The following PPARGC1A variants were observed in gnomAD, a reference collection of about 807,000 sequenced individuals.
PPARGC1A encodes the protein PPARG coactivator 1 alpha, also known as peroxisome proliferator-activated receptor gamma coactivator 1-alpha.
In PPARGC1A, 25 loss-of-function variants were observed where a neutral mutation model predicts 88.7. The ratio of observed to expected loss-of-function variants is 0.28; its 90% CI spans 0.21 to 0.39. The LOEUF (loss-of-function observed/expected upper bound fraction) is 0.39, where lower values mean the gene tolerates loss of function less well. PPARGC1A is among the 10% of genes least tolerant of loss of function. PPARGC1A has a pLI of 1.00. For missense variants in PPARGC1A, 880 were observed against 968.7 expected (o/e 0.91, Z 1.22); for synonymous variants, 363 against 355.6 (o/e 1.02, Z -0.24).
the PPARGC1A span, among the ~76,000 whole-genome samples, chr4:24,317,770 C>CCAGAA: frequency 8.6e-5 from 13 of 151,960 alleles, no homozygotes; most frequent in African/African-American, 3.1e-4. Context: ...TACGCAAGCA[C>CCAGAA]AAGAATAAAT....
chr4:24,283,954 T>C, the PPARGC1A span, among the ~76,000 whole-genome samples: 1 of 151,870 alleles, frequency 6.6e-6, no homozygotes. Flanking sequence ...GCTTTACAGA[T>C]GGGGAAACTG....
At chr4:23,873,397 C>T (rs1442617257) in intron 2 of PPARGC1A, among the ~76,000 whole-genome samples, 2 of 151,844 alleles carry the variant, frequency 1.3e-5, no homozygotes, top group African/African-American at 4.8e-5. Context: ...TTTTTGTCTT[C>T]AGGCCATTGG....
At chr4:23,839,272 GAA>G (rs1438655099) in intron 2 of PPARGC1A, among the ~76,000 whole-genome samples, 2 of 152,212 alleles carry the variant, frequency 1.3e-5, no homozygotes, top group East Asian at 3.9e-4. Context: ...AAGTTCAACA[GAA>G]AGTCCTAAAA....
chr4:24,462,634 T>C, the PPARGC1A span, among the ~76,000 whole-genome samples: 1 of 151,728 alleles, frequency 6.6e-6, no homozygotes, highest in African/African-American at 2.4e-5. Flanking sequence ...AATTTGATGA[T>C]GAAATGAGTG....
At chr4:23,963,383 G>C in the PPARGC1A span, among the ~76,000 whole-genome samples, 64 of 152,310 alleles carry the variant, frequency 4.2e-4, no homozygotes, top group African/African-American at 1.5e-3. Flanking sequence ...CCTGGCAAGA[G>C]ACAATCCCGG....
chr4:24,324,091 C>CG, the PPARGC1A span, among the ~76,000 whole-genome samples: 15 of 152,164 alleles, frequency 9.9e-5, no homozygotes, highest in Admixed American at 9.8e-4. Context: ...ATTGCAGAGA[C>CG]GCCTCTGTGA....
At chr4:23,965,563 T>G in the PPARGC1A span, among the ~76,000 whole-genome samples, 1 of 152,158 alleles carries the variant, frequency 6.6e-6, no homozygotes, top group Non-Finnish European at 1.5e-5. Flanking sequence ...TAGCAAGAGC[T>G]AGTGAAAAGC....
chr4:24,211,732 T>C, the PPARGC1A span, among the ~76,000 whole-genome samples: 3 of 152,132 alleles, frequency 2.0e-5, no homozygotes, highest in Admixed American at 6.5e-5. Flanking sequence ...ATCTGTAAAA[T>C]AGGGAAATTA....
chr4:24,112,972 G>C, the PPARGC1A span, among the ~76,000 whole-genome samples: 1 of 152,142 alleles, frequency 6.6e-6, no homozygotes, highest in Non-Finnish European at 1.5e-5. Context: ...CAATGAGAAA[G>C]CTGCAGAAAG....
At chr4:23,931,755 AT>A in the PPARGC1A span, among the ~76,000 whole-genome samples, 1 of 152,320 alleles carries the variant, frequency 6.6e-6, no homozygotes, top group Middle Eastern at 3.4e-3. Flanking sequence ...AAAAGAGGTG[AT>A]ATATGCTAAG....
chr4:24,102,683 C>T, the PPARGC1A span, among the ~76,000 whole-genome samples: 27 of 152,294 alleles, frequency 1.8e-4, no homozygotes, highest in African/African-American at 6.5e-4. Context: ...TGATTTCCAC[C>T]TCATTGGAAG....
At chr4:24,086,734 A>C in the PPARGC1A span, among the ~76,000 whole-genome samples, 3 of 152,208 alleles carry the variant, frequency 2.0e-5, no homozygotes, top group African/African-American at 4.8e-5. Flanking sequence ...TGGTCTCATT[A>C]AGTAGGTAAT....
chr4:23,853,902 A>C (rs1729744300), intron 2 of PPARGC1A, among the ~76,000 whole-genome samples: 1 of 152,182 alleles, frequency 6.6e-6, no homozygotes, highest in African/African-American at 2.4e-5. Context: ...AATTACTAGG[A>C]TTGGGGACCT....
chr4:23,858,928 ATAGATT>A (rs1385779612), intron 2 of PPARGC1A, among the ~76,000 whole-genome samples: 5 of 149,254 alleles, frequency 3.3e-5, no homozygotes, highest in Non-Finnish European at 7.4e-5. Flanking sequence ...TATAAATTAT[ATAGATT>A]TAAAGTGTAA....
At chr4:24,124,064 CT>C in the PPARGC1A span, among the ~76,000 whole-genome samples, 1 of 152,102 alleles carries the variant, frequency 6.6e-6, no homozygotes, top group African/African-American at 2.4e-5. Context: ...CATTAGGGCT[CT>C]TTCTACATGC....
chr4:24,461,113 TG>T, the PPARGC1A span, among the ~76,000 whole-genome samples: 1 of 152,116 alleles, frequency 6.6e-6, no homozygotes, highest in Non-Finnish European at 1.5e-5. Flanking sequence ...GTTGTAGAGG[TG>T]GGTCTTGCTA....
At chr4:24,454,637 C>A in the PPARGC1A span, among the ~76,000 whole-genome samples, 1 of 151,826 alleles carries the variant, frequency 6.6e-6, no homozygotes, top group African/African-American at 2.4e-5. Context: ...ACTCAGGAGG[C>A]TGAGGTGAGA....
chr4:24,146,593 CA>C, the PPARGC1A span, among the ~76,000 whole-genome samples: 13 of 152,232 alleles, frequency 8.5e-5, no homozygotes, highest in Admixed American at 2.0e-4. Context: ...ATCCAATCTG[CA>C]TCAGCGTTTT....
chr4:23,815,360 T>C (rs186080472), intron 7 of PPARGC1A, among the ~76,000 whole-genome samples: 8 of 152,278 alleles, frequency 5.3e-5, no homozygotes, highest in Admixed American at 4.6e-4. Context: ...GTCTAAAATA[T>C]GGTTCTGCAA....
Sources: allele counts gnomAD v4.1 joint callset (sites outside exome capture counted in the v4.1 genomes callset), GRCh38; gene constraint gnomAD v4.1.1; transcripts MANE v1.5; gene names NCBI Gene and HGNC (gene_info 2026-07-23, HGNC 2026-07-21).